Variants in CDK19 observed in about 807,000 individuals in gnomAD.
The protein encoded by CDK19 is cyclin dependent kinase 19, also known as cyclin-dependent kinase 19.
In CDK19, 20 loss-of-function variants were observed where a neutral mutation model predicts 68.3. The ratio of observed to expected loss-of-function variants is 0.29; its 90% CI spans 0.21 to 0.43. The LOEUF (loss-of-function observed/expected upper bound fraction) is 0.43, where lower values mean the gene tolerates loss of function less well. CDK19 is among the 20% of genes least tolerant of loss of function. CDK19 has a pLI of 1.00. For synonymous variants in CDK19, 221 were observed against 222.8 expected, an observed-to-expected ratio of 0.99 and a Z score of 0.07; for missense variants, 339 against 623.5, an observed-to-expected ratio of 0.54 and a Z score of 4.86.
At position 110,612,276 on chromosome 6, in the gene CDK19, T is replaced by A. The variant is rs527320093; in HGVS notation, c.*2259A>T. ...TCTGCCTACAAGGACCACCCAGTTG[T>A]TGTTAAAAGGCTGCTGTGAACATTT... is the stretch of plus-strand genomic sequence containing the variant. On this transcript the variant is annotated 3_prime_UTR_variant, in exon 13 of 13. Transcript: ENST00000368911. 1.3e-5 allele frequency: 2 copies of A among 152,498 alleles called. No individual in the cohort carries two copies. The highest frequency in any genetic ancestry group is 3.9e-4 in the East Asian group (2 of 5,192). The allele number at this position is 152,498 out of a possible 1,614,324, so 9.4% of individuals were successfully genotyped here. A position where few individuals can be genotyped will look rare whatever the true frequency, so the allele number is the denominator to read the frequency against.
intron 2 of CDK19, among the ~76,000 whole-genome samples, chr6:110,676,846 G>T (rs1354179492): frequency 6.6e-6 from 1 of 152,134 alleles, no homozygotes; most frequent in Admixed American, 6.5e-5. Flanking sequence ...TACAATATTT[G>T]CTTTACTGCA....
chr6:110,704,594 C>T (rs1036510632), intron 2 of CDK19, among the ~76,000 whole-genome samples: 11 of 152,128 alleles, frequency 7.2e-5, no homozygotes, highest in Non-Finnish European at 1.0e-4. Context: ...TATACATAAC[C>T]TATTTTTACA....
intron 4 of CDK19, among the ~76,000 whole-genome samples, chr6:110,640,198 C>A (rs1780047564): frequency 7.0e-6 from 1 of 142,276 alleles, no homozygotes; most frequent in Admixed American, 7.3e-5. Context: ...TGCCACTGCA[C>A]TCCAGGCTGG....
intron 8 of CDK19, among the ~76,000 whole-genome samples, 163 bp downstream of exon 8, chr6:110,626,613 G>C (rs888022644): frequency 1.3e-5 from 2 of 152,192 alleles, no homozygotes. Context: ...CCTGGAAGCA[G>C]AAAGCAACCT....
At chr6:110,747,261 C>A (rs1239972547) in intron 1 of CDK19, among the ~76,000 whole-genome samples, 1 of 152,132 alleles carries the variant, frequency 6.6e-6, no homozygotes, top group Non-Finnish European at 1.5e-5. Flanking sequence ...TTTAAAACAC[C>A]ATTTTAAATC....
chr6:110,682,915 C>T (rs1582853781), intron 2 of CDK19, among the ~76,000 whole-genome samples: 1 of 152,232 alleles, frequency 6.6e-6, no homozygotes, highest in African/African-American at 2.4e-5. Flanking sequence ...GTGGCTCACA[C>T]CTCTAATCCT....
At chr6:110,759,780 T>C (rs902989905) in intron 1 of CDK19, among the ~76,000 whole-genome samples, 7 of 152,012 alleles carry the variant, frequency 4.6e-5, no homozygotes, top group Admixed American at 2.0e-4. Flanking sequence ...TTGACCTGAA[T>C]TCACCTGTAT....
chr6:110,756,415 G>A (rs1435614607), intron 1 of CDK19, among the ~76,000 whole-genome samples: 1 of 150,300 alleles, frequency 6.7e-6, no homozygotes, highest in African/African-American at 2.4e-5. Context: ...GTACAAAAAT[G>A]AGCTGGGTGT....
chr6:110,773,221 T>TG (rs1312111792), intron 1 of CDK19, among the ~76,000 whole-genome samples: 5 of 151,996 alleles, frequency 3.3e-5, no homozygotes, highest in Admixed American at 6.6e-5. Flanking sequence ...GGTGCGTGTC[T>TG]GTAGTTCCAG....
intron 1 of CDK19, chr6:110,813,850 T>C (rs1316174483): frequency 6.6e-6 from 1 of 152,254 alleles, no homozygotes; most frequent in Admixed American, 6.5e-5. Context: ...TCATTGTGGC[T>C]GATCATCACT....
intron 5 of CDK19, among the ~76,000 whole-genome samples, chr6:110,633,545 T>C (rs1481734829): frequency 1.3e-5 from 2 of 152,206 alleles, no homozygotes; most frequent in Non-Finnish European, 2.9e-5. Flanking sequence ...TAAAAGATAA[T>C]TTGTTATAAT....
intron 1 of CDK19, among the ~76,000 whole-genome samples, chr6:110,808,092 G>A (rs1395732270): frequency 6.6e-6 from 1 of 152,090 alleles, no homozygotes; most frequent in East Asian, 1.9e-4. Context: ...TCCACACCCT[G>A]ATTTAAACAT....
intron 2 of CDK19, among the ~76,000 whole-genome samples, chr6:110,719,757 G>A (rs9487499): frequency 0.69 from 105,027 of 151,944 alleles, 37,155 homozygotes; most frequent in Admixed American, 0.82. Context: ...TTGAGACAGA[G>A]TCTCACTCTG....
chr6:110,699,022 C>A (rs1212677601), intron 2 of CDK19, among the ~76,000 whole-genome samples: 6 of 148,160 alleles, frequency 4.0e-5, no homozygotes, highest in African/African-American at 7.6e-5. Flanking sequence ...CCACTGCACT[C>A]CAGCCTGGGT....
chr6:110,646,138 C>T, intron 4 of CDK19: 3 of 931,194 alleles, frequency 3.2e-6, no homozygotes, highest in Admixed American at 2.1e-5. Context: ...GATGCTAACA[C>T]CTTCGGCATG....
At chr6:110,697,099 G>T (rs1396120467) in intron 2 of CDK19, among the ~76,000 whole-genome samples, 1 of 151,572 alleles carries the variant, frequency 6.6e-6, no homozygotes, top group Admixed American at 6.6e-5. Flanking sequence ...TGGGCATGGT[G>T]GTGGGTGCCC....
At chr6:110,643,479 ATT>A (rs1303071700) in intron 4 of CDK19, among the ~76,000 whole-genome samples, 27 of 152,344 alleles carry the variant, frequency 1.8e-4, no homozygotes, top group Admixed American at 1.2e-3. Context: ...GTTCTCACTT[ATT>A]TGTGGGAGCT....
chr6:110,681,177 C>G lies in CDK19; in HGVS notation c.205-10636G>C, dbSNP rs768011371. ...CCTGGCCAACACGATGAAACCCCGTCTCTACTAAAAATACAAAAATCAGCC... is the reference window on the plus strand; with the variant it reads ...CCTGGCCAACACGATGAAACCCCGTGTCTACTAAAAATACAAAAATCAGCC... On this transcript the variant is annotated intron_variant, in intron 2 of 12. Transcript: ENST00000368911. 3.3e-5 allele frequency among the ~76,000 whole-genome samples: 5 copies of G among 152,142 alleles called. No individual in the cohort carries two copies. The South Asian group carries it at 6.2e-4, about 19-fold the overall frequency.
intron 1 of CDK19, among the ~76,000 whole-genome samples, chr6:110,788,618 C>T (rs1405614728): frequency 1.3e-5 from 2 of 152,118 alleles, no homozygotes; most frequent in African/African-American, 4.8e-5. Flanking sequence ...GTATGCCTCT[C>T]TTATAGCAAT....
Sources: gnomAD v4.1 joint callset for allele counts (sites outside exome capture counted in the v4.1 genomes callset) on GRCh38, gnomAD v4.1.1 for gene constraint, MANE v1.5 for transcripts, NCBI Gene and HGNC (gene_info 2026-07-23, HGNC 2026-07-21) for gene names.